Variants in IL1RAPL2 observed in about 807,000 individuals in gnomAD.
IL1RAPL2 encodes the protein interleukin 1 receptor accessory protein like 2.
In IL1RAPL2, 3 loss-of-function variants were observed where a neutral mutation model predicts 44.1. That is an observed-to-expected ratio of 0.07 (90% confidence interval 0.03 to 0.18). The LOEUF (loss-of-function observed/expected upper bound fraction) is 0.18, where lower values mean the gene tolerates loss of function less well. Among genes scored for constraint, IL1RAPL2 ranks in the 10% least tolerant of loss-of-function variants. The probability of loss-of-function intolerance (pLI) is 1.00; values close to 1 mark genes in which losing one functional copy is unlikely to be tolerated. For synonymous variants in IL1RAPL2, 181 were observed against 178.8 expected (o/e 1.01, Z -0.10); for missense variants, 391 against 496.4 (o/e 0.79, Z 2.02).
intron 2 of IL1RAPL2, among the ~76,000 whole-genome samples, chrX:104,761,286 G>C (rs970816423): frequency 9.0e-6 from 1 of 111,375 alleles, no homozygotes. Flanking sequence ...GCAGGAAGGA[G>C]AAGTGCAAAG....
chrX:104,619,428 C>T (rs141554746), intron 1 of IL1RAPL2, among the ~76,000 whole-genome samples: 1,554 of 111,808 alleles, frequency 0.014, 20 homozygotes, highest in Non-Finnish European at 0.024. Context: ...AGGTAAGTCA[C>T]AGAGGGAGGC....
At chrX:104,887,753 C>A (rs779829592) in intron 2 of IL1RAPL2, among the ~76,000 whole-genome samples, 113 of 111,447 alleles carry the variant, frequency 1.0e-3, no homozygotes, top group African/African-American at 3.6e-3. Flanking sequence ...AAAATGATTT[C>A]TTCAAAGTCC....
chrX:105,242,281 A>T (rs1477797676), intron 4 of IL1RAPL2, among the ~76,000 whole-genome samples: 2 of 112,485 alleles, frequency 1.8e-5, no homozygotes, highest in African/African-American at 6.4e-5. Flanking sequence ...TAATCTTATA[A>T]AACTGTGTTT....
intron 2 of IL1RAPL2, among the ~76,000 whole-genome samples, chrX:105,181,797 G>A (rs934888641): frequency 1.2e-4 from 13 of 111,345 alleles, no homozygotes; most frequent in Non-Finnish European, 2.1e-4. Flanking sequence ...GGGCGCAGTG[G>A]CTCACGCCTG....
intron 5 of IL1RAPL2, among the ~76,000 whole-genome samples, chrX:105,298,925 A>T (rs1203827541): frequency 9.0e-6 from 1 of 111,343 alleles, no homozygotes; most frequent in African/African-American, 3.3e-5. Flanking sequence ...CATGTAGGTC[A>T]TTGGGCACCT....
At chrX:105,188,629 TCATTTAGG>T (rs2147609008) in intron 2 of IL1RAPL2, among the ~76,000 whole-genome samples, 1 of 111,814 alleles carries the variant, frequency 8.9e-6, no homozygotes, top group East Asian at 2.8e-4. Flanking sequence ...ATGAAGGACT[TCATTTAGG>T]CAGATCTTTC....
intron 6 of IL1RAPL2, among the ~76,000 whole-genome samples, chrX:105,552,652 A>G (rs751995158): frequency 8.9e-6 from 1 of 111,828 alleles, no homozygotes; most frequent in South Asian, 3.8e-4. Context: ...TGAATCCCAG[A>G]GTATTCTTGG....
intron 2 of IL1RAPL2, among the ~76,000 whole-genome samples, chrX:105,185,113 G>A (rs1263777924): frequency 9.0e-6 from 1 of 111,231 alleles, no homozygotes; most frequent in Non-Finnish European, 1.9e-5. Context: ...TGTAAGACAA[G>A]CTTTTAGTCA....
intron 2 of IL1RAPL2, among the ~76,000 whole-genome samples, chrX:105,002,248 A>G (rs1207579977): frequency 9.0e-6 from 1 of 111,648 alleles, no homozygotes; most frequent in Non-Finnish European, 1.9e-5. Context: ...TATTCAAGGA[A>G]TAAAACATCA....
intron 2 of IL1RAPL2, among the ~76,000 whole-genome samples, chrX:104,673,012 A>C (rs1347486177): frequency 1.8e-5 from 2 of 111,125 alleles, no homozygotes; most frequent in Non-Finnish European, 3.8e-5. Context: ...TTGTCAGATG[A>C]GTAGGTTGCA....
chrX:104,911,903 G>A (rs761664923), intron 2 of IL1RAPL2, among the ~76,000 whole-genome samples: 1 of 111,636 alleles, frequency 9.0e-6, no homozygotes, highest in East Asian at 2.8e-4. Context: ...GTAAGTGTTT[G>A]CAAATAAATC....
At chrX:105,556,417 AC>A (rs754961185) in intron 6 of IL1RAPL2, among the ~76,000 whole-genome samples, 3 of 111,408 alleles carry the variant, frequency 2.7e-5, no homozygotes, top group Non-Finnish European at 5.7e-5. Flanking sequence ...GAATTAGAAC[AC>A]AAAACTCCAT....
chrX:105,123,214 A>T (rs1213785079), intron 2 of IL1RAPL2, among the ~76,000 whole-genome samples: 1 of 110,945 alleles, frequency 9.0e-6, no homozygotes, highest in African/African-American at 3.3e-5. Context: ...ATAAAGATAG[A>T]AAAAAGGGGC....
At chrX:105,645,291 C>T (rs1367624192) in intron 6 of IL1RAPL2, among the ~76,000 whole-genome samples, 1 of 111,401 alleles carries the variant, frequency 9.0e-6, no homozygotes, top group Non-Finnish European at 1.9e-5. Flanking sequence ...TGGGCCCAGC[C>T]TCCAACCTGC....
At chrX:105,233,584 A>G (rs1284821126) in intron 3 of IL1RAPL2, among the ~76,000 whole-genome samples, 1 of 112,146 alleles carries the variant, frequency 8.9e-6, no homozygotes, top group Non-Finnish European at 1.9e-5. Context: ...AGATGGGTAT[A>G]GCTTCTCTAT....
intron 2 of IL1RAPL2, among the ~76,000 whole-genome samples, chrX:104,741,146 A>C (rs1932096207): frequency 9.0e-6 from 1 of 111,640 alleles, no homozygotes; most frequent in Non-Finnish European, 1.9e-5. Context: ...GGTGCAACTA[A>C]TCACATTATT....
At chrX:105,273,745 G>A (rs769631035) in intron 5 of IL1RAPL2, among the ~76,000 whole-genome samples, 1 of 111,926 alleles carries the variant, frequency 8.9e-6, no homozygotes, top group East Asian at 2.8e-4. Context: ...TCATTCTGAA[G>A]GCTCCTGTGT....
intron 7 of IL1RAPL2, among the ~76,000 whole-genome samples, chrX:105,740,252 T>C (rs1446461640): frequency 8.9e-6 from 1 of 111,805 alleles, no homozygotes; most frequent in Non-Finnish European, 1.9e-5. Flanking sequence ...ACAAAATTGA[T>C]AGACCGCTAG....
intron 5 of IL1RAPL2, among the ~76,000 whole-genome samples, chrX:105,431,409 C>T (rs756629897): frequency 1.3e-4 from 14 of 111,437 alleles, no homozygotes; most frequent in African/African-American, 4.5e-4. Context: ...TGGATAGTGG[C>T]AACCTTCTGT....
Sources: allele counts gnomAD v4.1 joint callset (sites outside exome capture counted in the v4.1 genomes callset), GRCh38; gene constraint gnomAD v4.1.1; transcripts MANE v1.5; gene names NCBI Gene and HGNC (gene_info 2026-07-23, HGNC 2026-07-21).